The following HDAC4 variants were observed in gnomAD, a reference collection of about 807,000 sequenced individuals.
HDAC4 encodes the protein histone deacetylase 4, also known as histone deacetylase A.
In HDAC4, 16 loss-of-function variants were observed where a neutral mutation model predicts 135.1. The observed-to-expected ratio is 0.12, with a 90% CI of 0.08 to 0.18. The LOEUF (loss-of-function observed/expected upper bound fraction) is 0.18, where lower values mean the gene tolerates loss of function less well. Among genes scored for constraint, HDAC4 ranks in the 10% least tolerant of loss-of-function variants. HDAC4 has a pLI of 1.00. For missense variants in HDAC4, 1,143 were observed against 1,511.8 expected (o/e 0.76, Z 4.05); for synonymous variants, 685 against 653.4 (o/e 1.05, Z -0.74).
rs201907790 is a variant in HDAC4 at position 239,235,260 on chromosome 2, AG to A, written c.94+1332del. Among the ~76,000 whole-genome samples the A allele has an allele frequency of 6.2e-3, 943 of 152,314 alleles. 18 individuals are homozygous for A. The East Asian group carries it at 0.084, about 14-fold the overall frequency. ...AGAGAGCCTTCCCGGAGCAGGGCAA[AG>A]ACACCTCCAGAACTCCGGGTTTGGA... On this transcript the variant is annotated intron_variant, in intron 3 of 26. Coordinates refer to ENST00000543185, the MANE Select transcript of HDAC4 (RefSeq NM_001378414.1).
intron 2 of HDAC4, among the ~76,000 whole-genome samples, chr2:239,334,952 G>C (rs1488829362): frequency 1.3e-5 from 2 of 149,344 alleles, no homozygotes; most frequent in East Asian, 4.0e-4. Context: ...GTGAACCTGG[G>C]AGGCGGAGCT....
intron 22 of HDAC4, 55 bp downstream of exon 22, chr2:239,081,040 T>C (rs2035267496): frequency 2.3e-6 from 3 of 1,332,442 alleles, no homozygotes; most frequent in Non-Finnish European, 3.2e-6. Context: ...TCCTGGAATG[T>C]GTGCACAGAG....
intron 5 of HDAC4, among the ~76,000 whole-genome samples, chr2:239,165,618 C>G (rs2152976169): frequency 6.6e-6 from 1 of 152,284 alleles, no homozygotes; most frequent in South Asian, 2.1e-4. Context: ...AATAGGTATT[C>G]TCATCCCCCG....
At position 239,051,607 on chromosome 2, in the gene HDAC4, A is replaced by G. The variant is rs2030859713; in HGVS notation, c.*1490T>C. On this transcript the variant is annotated 3_prime_UTR_variant, in exon 27 of 27. Coordinates refer to ENST00000543185, the MANE Select transcript of HDAC4 (RefSeq NM_001378414.1). Reference sequence around the variant, plus strand: ...ATATTCTTTGCTATAAAAACTCATTAGGTACATATGTGCATGAAGGCTTGG... The same window carrying G: ...ATATTCTTTGCTATAAAAACTCATTGGGTACATATGTGCATGAAGGCTTGG... 6.6e-6 allele frequency: 1 copy of G among 152,668 alleles called. No individual in the cohort carries two copies. Among genetic ancestry groups the G allele is most frequent in the Non-Finnish European group, 1.5e-5 (1 of 68,054 alleles). 9.5% of individuals were successfully genotyped at this position (152,668 alleles called of 1,614,324 possible).
intron 1 of HDAC4, among the ~76,000 whole-genome samples, chr2:239,399,202 T>G (rs1057136076): frequency 5.9e-5 from 9 of 152,338 alleles, no homozygotes; most frequent in Non-Finnish European, 1.3e-4. Flanking sequence ...AAAAATTAAA[T>G]TTCACATATT....
intron 2 of HDAC4, among the ~76,000 whole-genome samples, chr2:239,345,410 C>T (rs779869590): frequency 4.2e-4 from 64 of 151,874 alleles, no homozygotes; most frequent in South Asian, 2.1e-4. Flanking sequence ...ATTAGCTGGG[C>T]GTGGTGGCAT....
At chr2:239,295,516 G>A (rs1229106689) in intron 2 of HDAC4, among the ~76,000 whole-genome samples, 1 of 151,974 alleles carries the variant, frequency 6.6e-6, no homozygotes, top group Non-Finnish European at 1.5e-5. Flanking sequence ...TCCTTCATAC[G>A]CCTTTGTCCT....
chr2:239,108,302 G>T, intron 14 of HDAC4, 119 bp from the exon 15 acceptor site: 2 of 1,267,420 alleles, frequency 1.6e-6, no homozygotes, highest in South Asian at 2.6e-5. Context: ...GACGGAAGCT[G>T]GGACGGTTCT....
At chr2:239,381,433 G>A (rs1253590644) in intron 1 of HDAC4, among the ~76,000 whole-genome samples, 1 of 152,122 alleles carries the variant, frequency 6.6e-6, no homozygotes, top group Non-Finnish European at 1.5e-5. Context: ...GAAATGAAAA[G>A]AAACGAAAAG....
chr2:239,282,956 T>C (rs1432139413), intron 2 of HDAC4, among the ~76,000 whole-genome samples: 6 of 150,406 alleles, frequency 4.0e-5, no homozygotes, highest in South Asian at 2.1e-4. Context: ...CACACCACTC[T>C]ACAATGTACA....
At chr2:239,274,222 T>G (rs569112104) in intron 2 of HDAC4, among the ~76,000 whole-genome samples, 1 of 152,354 alleles carries the variant, frequency 6.6e-6, no homozygotes, top group South Asian at 2.1e-4. Flanking sequence ...TTGCTGTTTA[T>G]TATTTGTTGC....
intron 2 of HDAC4, among the ~76,000 whole-genome samples, chr2:239,302,545 G>A (rs1553603838): frequency 2.6e-5 from 4 of 152,232 alleles, no homozygotes; most frequent in Non-Finnish European, 5.9e-5. Flanking sequence ...GTGGGGCCAT[G>A]ACCAAGCACT....
intron 2 of HDAC4, among the ~76,000 whole-genome samples, chr2:239,321,242 G>T (rs555218059): frequency 1.3e-5 from 2 of 152,224 alleles, no homozygotes; most frequent in African/African-American, 4.8e-5. Context: ...AAGGTGGGCG[G>T]ATCACGAGGT....
intron 8 of HDAC4, chr2:239,140,893 G>A (rs1161594183): frequency 2.2e-6 from 1 of 456,232 alleles, no homozygotes; most frequent in South Asian, 1.6e-5. Context: ...ATCCACGCCT[G>A]CTGGAGGTGG....
intron 1 of HDAC4, among the ~76,000 whole-genome samples, chr2:239,387,873 C>A (rs1695932452): frequency 3.9e-5 from 6 of 152,182 alleles, no homozygotes; most frequent in Admixed American, 3.9e-4. Flanking sequence ...TTGCAATGGG[C>A]ACTAAGGGGA....
In HDAC4 at chr2:239,313,772, AGGGCTGAGTT is replaced by A. The variant is rs1490600414; in HGVS notation, c.22+38896_22+38905del. 1.3e-5 allele frequency among the ~76,000 whole-genome samples: 2 copies of A among 152,206 alleles called. No individual in the cohort carries two copies. Among genetic ancestry groups the A allele is most frequent in the African/African-American group, 4.8e-5 (2 of 41,450 alleles). On this transcript the variant is annotated intron_variant, in intron 2 of 26. Coordinates refer to ENST00000543185, the MANE Select transcript of HDAC4 (RefSeq NM_001378414.1). The surrounding 1 kb of genome is among the most constrained non-coding windows in gnomAD (Gnocchi z 5.1). ...CTTTTAGAGACGTCTAATTATACTCAGGGCTGAGTTGGCTGAAGAGTGAGGAATATACTCC... is the reference window on the plus strand; with the variant it reads ...CTTTTAGAGACGTCTAATTATACTCAGGCTGAAGAGTGAGGAATATACTCC...
intron 4 of HDAC4, among the ~76,000 whole-genome samples, chr2:239,179,500 T>C (rs2153009919): frequency 6.6e-6 from 1 of 152,270 alleles, no homozygotes; most frequent in African/African-American, 2.4e-5. Context: ...ATCTAACGCC[T>C]GATGATCTGA....
At chr2:239,283,032 C>T (rs559242522) in intron 2 of HDAC4, among the ~76,000 whole-genome samples, 2 of 152,360 alleles carry the variant, frequency 1.3e-5, no homozygotes, top group African/African-American at 2.4e-5. Flanking sequence ...GTACACACCA[C>T]TCTACAAACA....
At chr2:239,151,461 G>A (rs1037853519) in intron 7 of HDAC4, among the ~76,000 whole-genome samples, 2 of 152,078 alleles carry the variant, frequency 1.3e-5, no homozygotes, top group Non-Finnish European at 2.9e-5. Context: ...GCAATGGATG[G>A]ATGTTTCCCA....
Sources: gnomAD v4.1 joint callset for allele counts (sites outside exome capture counted in the v4.1 genomes callset) on GRCh38, gnomAD v4.1.1 for gene constraint, Gnocchi (gnomAD v3.1) non-coding constraint, MANE v1.5 for transcripts, NCBI Gene and HGNC (gene_info 2026-07-23, HGNC 2026-07-21) for gene names.